PCDHA8: variants seen among roughly 807,000 people sequenced by gnomAD.
PCDHA8 encodes the protein protocadherin alpha 8, also known as protocadherin alpha-8.
In PCDHA8, 53 loss-of-function variants were observed where a neutral mutation model predicts 61.8. The ratio of observed to expected loss-of-function variants is 0.86; its 90% CI spans 0.69 to 1.08. The LOEUF (loss-of-function observed/expected upper bound fraction) is 1.08, where lower values mean the gene tolerates loss of function less well. Ranked by LOEUF, PCDHA8 falls within the 50% of genes least tolerant of loss-of-function variation. PCDHA8 has a pLI of 0.00. For synonymous variants in PCDHA8, 618 were observed against 556.6 expected (o/e 1.11, Z -1.55); for missense variants, 1,293 against 1,245.0 (o/e 1.04, Z -0.58).
chr5:140,935,952 G>C (rs1554210758), intron 1 of PCDHA8, among the ~76,000 whole-genome samples: 3 of 148,522 alleles, frequency 2.0e-5, no homozygotes, highest in Non-Finnish European at 4.4e-5. Flanking sequence ...GAGTAAAGTG[G>C]TACAATCTTG....
chr5:141,008,670 A>G (rs1375302412), intron 3 of PCDHA8, among the ~76,000 whole-genome samples: 1 of 152,218 alleles, frequency 6.6e-6, no homozygotes, highest in Non-Finnish European at 1.5e-5. Flanking sequence ...TACTTTACAT[A>G]TACTTTAGTT....
chr5:140,864,460 T>C (rs2048484111), intron 1 of PCDHA8: 1 of 152,246 alleles, frequency 6.6e-6, no homozygotes, highest in African/African-American at 2.4e-5. Flanking sequence ...AATATCCATC[T>C]TTTTTGAGAT....
At chr5:140,945,190 G>A (rs1372387920) in intron 1 of PCDHA8, among the ~76,000 whole-genome samples, 1 of 152,000 alleles carries the variant, frequency 6.6e-6, no homozygotes, top group Non-Finnish European at 1.5e-5. Flanking sequence ...AGAAAACCAT[G>A]CTATTTACAA....
At chr5:141,001,997 CA>C (rs1587968703) in intron 3 of PCDHA8, among the ~76,000 whole-genome samples, 1 of 152,190 alleles carries the variant, frequency 6.6e-6, no homozygotes, top group Admixed American at 6.5e-5. Flanking sequence ...AGTTCACTTG[CA>C]AACACAGAAT....
At chr5:140,934,988 C>A (rs901740982) in intron 1 of PCDHA8, among the ~76,000 whole-genome samples, 5 of 152,154 alleles carry the variant, frequency 3.3e-5, no homozygotes, top group Non-Finnish European at 7.4e-5. Context: ...AGTGATAACA[C>A]CCTGAATCCT....
intron 1 of PCDHA8, among the ~76,000 whole-genome samples, chr5:140,954,197 G>T (rs2153701837): frequency 6.6e-6 from 1 of 152,270 alleles, no homozygotes; most frequent in Non-Finnish European, 1.5e-5. Context: ...ATGGGCATTT[G>T]GGTTGATCCC....
At position 140,926,291 on chromosome 5, in the gene PCDHA8, G is replaced by A. The variant is rs545188065; in HGVS notation, c.2395-52658G>A. 3.9e-5 allele frequency: 6 copies of A among 152,438 alleles called. No individual in the cohort carries two copies. The South Asian group carries it at 1.0e-3, about 26-fold the overall frequency. 9.4% of individuals were successfully genotyped at this position (152,438 alleles called of 1,614,324 possible). A position where few individuals can be genotyped will look rare whatever the true frequency, so the allele number is the denominator to read the frequency against. ...CCTCCGCTCGGCAGCTCCACGCTGA[G>A]TCCCGCCCTCTCCGCCGGAGAGGTG... On this transcript the variant is annotated intron_variant, in intron 1 of 3. Transcript: ENST00000531613.
intron 1 of PCDHA8, among the ~76,000 whole-genome samples, chr5:140,960,655 T>C (rs2153725891): frequency 6.6e-6 from 1 of 152,296 alleles, no homozygotes; most frequent in East Asian, 1.9e-4. Context: ...TCCAAATCAA[T>C]GAATGCTTTG....
At chr5:140,858,849 A>G (rs2045624236) in intron 1 of PCDHA8, 2 of 285,640 alleles carry the variant, frequency 7.0e-6, no homozygotes, top group Admixed American at 5.1e-5. Context: ...CCACTGATCT[A>G]TATCTCTTCA....
Position 140,842,573 on chromosome 5 carries a change from G to A in PCDHA8, c.1252G>A (p.Val418Met), listed in dbSNP as rs1190804367. The A allele has an allele frequency of 6.6e-6, 10 of 1,507,924 alleles. 1 individual carries two copies. In the African/African-American group the frequency reaches 7.3e-5, roughly 11 times the overall value. 93.4% of individuals were successfully genotyped at this position (1,507,924 alleles called of 1,614,324 possible). A position where few individuals can be genotyped will look rare whatever the true frequency, so the allele number is the denominator to read the frequency against. Residue 418 changes from valine (V) to methionine (M), a missense_variant, in exon 1 of 4, where the codon GTG (valine) becomes ATG (methionine). Physicochemically the swap from Val to Met is conservative, Grantham distance 21 (BLOSUM62 1). Transcript: ENST00000531613. ...VLDSALDRER[V>M]SAYELVVTAR... ...GGACAGCGCCCTGGACCGCGAGAGA[G>A]TGTCGGCCTATGAGTTGGTGGTAAC...
At chr5:140,849,106 A>C (rs2150430593) in intron 1 of PCDHA8, 1 of 1,455,018 alleles carries the variant, frequency 6.9e-7, no homozygotes, top group South Asian at 1.2e-5. Flanking sequence ...GACAGAGAAG[A>C]AACTCCGGAG....
intron 1 of PCDHA8, among the ~76,000 whole-genome samples, chr5:140,908,870 T>C (rs1221082339): frequency 6.6e-6 from 1 of 152,136 alleles, no homozygotes; most frequent in Non-Finnish European, 1.5e-5. Flanking sequence ...ATGTGTTGCC[T>C]CCAAAATCCA....
Position 140,842,366 on chromosome 5 carries a change from G to C in PCDHA8, c.1045G>C (p.Glu349Gln). 1 of 1,608,006 alleles carries C rather than the reference G, an allele frequency of 6.2e-7. No individual in the cohort carries two copies. The highest frequency in any genetic ancestry group is 8.5e-7 in the Non-Finnish European group (1 of 1,174,566). ...RILDKNDNVP[E>Q]IALTSLSLPV... ...TTTGGATAAAAATGATAACGTCCCT[G>C]AGATAGCACTGACTTCCTTATCCTT... Residue 349 changes from glutamate to glutamine, a missense_variant, in exon 1 of 4, where the codon GAG becomes CAG. Physicochemically the swap from Glu to Gln is conservative, Grantham distance 29 (BLOSUM62 2). Transcript: ENST00000531613.
At chr5:140,928,097 C>T (rs2084934742) in intron 1 of PCDHA8, 2 of 1,614,054 alleles carry the variant, frequency 1.2e-6, no homozygotes, top group African/African-American at 2.7e-5. Flanking sequence ...ATTGATGGGC[C>T]CCTGGACCGG....
At chr5:140,989,373 C>A (rs1189877807) in intron 3 of PCDHA8, among the ~76,000 whole-genome samples, 1 of 152,088 alleles carries the variant, frequency 6.6e-6, no homozygotes, top group Non-Finnish European at 1.5e-5. Context: ...TGACTGAGAG[C>A]TTTGTGGGAA....
chr5:140,848,619 G>C lies in PCDHA8; in HGVS notation c.2394+4904G>C, dbSNP rs2150415128. The C allele has an allele frequency of 3.5e-5, 55 of 1,593,396 alleles. 5 individuals are homozygous for C. Among genetic ancestry groups the C allele is most frequent in the Admixed American group, 1.5e-4 (9 of 59,226 alleles). ...CTCCGTCCCGGAGGAAGCCGAACACGGCACCTTCGTGGGCCGCATCGCGCA... is the reference window on the plus strand; with the variant it reads ...CTCCGTCCCGGAGGAAGCCGAACACCGCACCTTCGTGGGCCGCATCGCGCA... On this transcript the variant is annotated intron_variant, in intron 1 of 3. Coordinates refer to ENST00000531613, the MANE Select transcript of PCDHA8 (RefSeq NM_018911.3).
chr5:140,988,557 T>G (rs1236263807), intron 3 of PCDHA8, among the ~76,000 whole-genome samples: 3 of 152,190 alleles, frequency 2.0e-5, no homozygotes, highest in African/African-American at 7.2e-5. Context: ...CTTCATCTTC[T>G]TCTTGGGAAA....
rs185971380 is a variant in PCDHA8, at chr5:140,858,398, G to C, written c.2394+14683G>C. The C allele has an allele frequency of 3.8e-6, 6 of 1,574,020 alleles. No homozygotes were observed. Among genetic ancestry groups the C allele is most frequent in the South Asian group, 2.3e-5 (2 of 88,596 alleles). ...ACCATGCCCAATGGTAGATGTGGACGGGGAAGATCAGTCTATTGGAGGGGA... is the reference window on the plus strand; with the variant it reads ...ACCATGCCCAATGGTAGATGTGGACCGGGAAGATCAGTCTATTGGAGGGGA... On this transcript the variant is annotated intron_variant, in intron 1 of 3. Coordinates refer to ENST00000531613, the MANE Select transcript of PCDHA8 (RefSeq NM_018911.3).
chr5:140,982,609 G>A, intron 3 of PCDHA8, 46 bp downstream of exon 3: 1 of 1,600,864 alleles, frequency 6.2e-7, no homozygotes, highest in East Asian at 2.2e-5. Context: ...TCTGGAAAGT[G>A]ATCAGATGAC....
Sources: gnomAD v4.1 joint callset for allele counts (sites outside exome capture counted in the v4.1 genomes callset) on GRCh38, gnomAD v4.1.1 for gene constraint, MANE v1.5 for transcripts, NCBI Gene and HGNC (gene_info 2026-07-23, HGNC 2026-07-21) for gene names.